The following CDH4 variants were observed in gnomAD, a reference collection of about 807,000 sequenced individuals.
CDH4 encodes cadherin 4.
A neutral mutation model predicts 86.0 loss-of-function variants in CDH4; 33 were observed. The observed-to-expected ratio is 0.38, with a 90% CI of 0.29 to 0.51. The LOEUF (loss-of-function observed/expected upper bound fraction) is 0.51, where lower values mean the gene tolerates loss of function less well. CDH4 is among the 20% of genes least tolerant of loss of function. The probability of loss-of-function intolerance (pLI) is 0.86; values close to 1 mark genes in which losing one functional copy is unlikely to be tolerated. For synonymous variants in CDH4, 555 were observed against 549.4 expected (o/e 1.01, Z -0.14); for missense variants, 1,114 against 1,307.4 (o/e 0.85, Z 2.28).
intron 2 of CDH4, among the ~76,000 whole-genome samples, chr20:61,636,870 A>G (rs1424436003): frequency 6.6e-6 from 1 of 152,178 alleles, no homozygotes; most frequent in African/African-American, 2.4e-5. Flanking sequence ...CATGGAGGGC[A>G]GCTAGCTGGG....
chr20:61,357,349 G>T (rs889366777), intron 2 of CDH4, among the ~76,000 whole-genome samples: 5 of 151,710 alleles, frequency 3.3e-5, no homozygotes, highest in Admixed American at 2.0e-4. Context: ...CACACCCACT[G>T]CTCACCCTGC....
Position 61,255,996 on chromosome 20 carries a change from A to G in CDH4, c.169+1059A>G, listed in dbSNP as rs370069711. On this transcript the variant is annotated intron_variant, in intron 2 of 15. Coordinates refer to ENST00000614565, the MANE Select transcript of CDH4 (RefSeq NM_001794.5). ...GATACTACTGACTCATTAATCATCA[A>G]AAAAATAAAAAATCTCTAGGCAGTC... is the stretch of plus-strand genomic sequence containing the variant. Among the ~76,000 whole-genome samples the G allele has an allele frequency of 3.9e-5, 6 of 152,320 alleles. No homozygotes were observed. The East Asian group carries it at 1.2e-3, about 29-fold the overall frequency.
intron 2 of CDH4, among the ~76,000 whole-genome samples, chr20:61,547,374 G>A (rs1214006095): frequency 3.3e-5 from 5 of 151,584 alleles, no homozygotes; most frequent in Non-Finnish European, 7.4e-5. Flanking sequence ...CACTGCGCCC[G>A]GCTAATTTTT....
chr20:61,260,864 T>C (rs1464894742), intron 2 of CDH4, among the ~76,000 whole-genome samples: 1 of 152,294 alleles, frequency 6.6e-6, no homozygotes, highest in East Asian at 1.9e-4. Context: ...GAAGTATATA[T>C]CCTGTCTTTA....
At chr20:61,339,666 T>C (rs1378355397) in intron 2 of CDH4, among the ~76,000 whole-genome samples, 1 of 152,094 alleles carries the variant, frequency 6.6e-6, no homozygotes, top group Non-Finnish European at 1.5e-5. Context: ...AGGGACTTTG[T>C]GGTAGGTTAT....
chr20:61,690,969 C>G (rs1335669340), intron 2 of CDH4, among the ~76,000 whole-genome samples: 1 of 152,212 alleles, frequency 6.6e-6, no homozygotes, highest in Non-Finnish European at 1.5e-5. Flanking sequence ...GCTGAGCCCT[C>G]TAGACTTTCC....
At chr20:61,426,343 T>C (rs2085215203) in intron 2 of CDH4, among the ~76,000 whole-genome samples, 1 of 152,180 alleles carries the variant, frequency 6.6e-6, no homozygotes, top group Non-Finnish European at 1.5e-5. Flanking sequence ...TAATGAATAA[T>C]GCTCACACCT....
chr20:61,730,562 G>A (rs1217907355), intron 2 of CDH4, among the ~76,000 whole-genome samples: 1 of 152,194 alleles, frequency 6.6e-6, no homozygotes, highest in Non-Finnish European at 1.5e-5. Flanking sequence ...AGCACTTCCT[G>A]GGTGCCAAAG....
chr20:61,514,341 T>C, intron 2 of CDH4, among the ~76,000 whole-genome samples: 1 of 97,704 alleles, frequency 1.0e-5, no homozygotes, highest in South Asian at 3.6e-4. Flanking sequence ...ACCCCCGATG[T>C]CTATGTGACA....
chr20:61,926,328 C>T (rs1266787541), intron 11 of CDH4, among the ~76,000 whole-genome samples: 3 of 152,302 alleles, frequency 2.0e-5, no homozygotes, highest in South Asian at 2.1e-4. Context: ...AACGGCTGTG[C>T]GTGAAGCCTC....
At position 61,254,818 on chromosome 20, in the gene CDH4, G is replaced by C. The variant is rs775351233; in HGVS notation, c.58-8G>C. The C allele has an allele frequency of 1.3e-6, 2 of 1,527,368 alleles. No homozygotes were observed. Among genetic ancestry groups the C allele is most frequent in the Non-Finnish European group, 9.1e-7 (1 of 1,101,142 alleles). 94.6% of individuals were successfully genotyped at this position (1,527,368 alleles called of 1,614,324 possible). On this transcript the variant is annotated splice_polypyrimidine_tract_variant and splice_region_variant and intron_variant, in intron 1 of 15. Coordinates refer to ENST00000614565, the MANE Select transcript of CDH4 (RefSeq NM_001794.5). The stretch of plus-strand genomic sequence containing the variant: ...TATTGTTTTACACTCTCCCCTTTGT[G>C]TTCTCAGGCCCATAATGAGGATCTT...
intron 2 of CDH4, among the ~76,000 whole-genome samples, chr20:61,383,449 TC>T (rs1477706077): frequency 1.0e-4 from 1 of 9,760 alleles, no homozygotes; most frequent in Non-Finnish European, 2.3e-4. Flanking sequence ...GAATATATAT[TC>T]ATATATATGA....
At chr20:61,685,923 G>A (rs533269290) in intron 2 of CDH4, among the ~76,000 whole-genome samples, 231 of 152,334 alleles carry the variant, frequency 1.5e-3, no homozygotes, top group African/African-American at 5.2e-3. Context: ...TCCAGATGGC[G>A]GAGTTCTGGA....
At chr20:61,254,779 A>C (rs1457437208) in intron 1 of CDH4, 47 bp from the exon 2 acceptor site, 11 of 1,224,158 alleles carry the variant, frequency 9.0e-6, no homozygotes, top group South Asian at 7.2e-5. Flanking sequence ...GGTTGGATTA[A>C]ATTTCTGTGA....
At chr20:61,532,014 G>A (rs6061272) in intron 2 of CDH4, among the ~76,000 whole-genome samples, 4,409 of 152,300 alleles carry the variant, frequency 0.029, 186 homozygotes, top group African/African-American at 0.092. Context: ...GGAAAGCGTC[G>A]GCCAGTCTCA....
intron 2 of CDH4, among the ~76,000 whole-genome samples, chr20:61,317,336 G>A (rs369196742): frequency 4.6e-5 from 7 of 152,116 alleles, no homozygotes; most frequent in South Asian, 2.1e-4. Context: ...TCAGCCTCCC[G>A]AATAACCTGC....
chr20:61,879,026 T>C lies in CDH4; in HGVS notation c.1050+5126T>C, dbSNP rs1233080006. ...CTTCTGCAGCAGAGGATGCACGTTGTCGGATTTTCAGCAGCAAACAATAAA... is the reference window on the plus strand; with the variant it reads ...CTTCTGCAGCAGAGGATGCACGTTGCCGGATTTTCAGCAGCAAACAATAAA... On this transcript the variant is annotated intron_variant, in intron 7 of 15. Transcript: ENST00000614565. This position sits in a 1 kb window ranked among gnomAD's most constrained non-coding sequence, Gnocchi z 4.1. 6.6e-6 allele frequency among the ~76,000 whole-genome samples: 1 copy of C among 152,250 alleles called. No individual in the cohort carries two copies. Among genetic ancestry groups the C allele is most frequent in the Non-Finnish European group, 1.5e-5 (1 of 68,050 alleles).
rs531234247 is a variant in CDH4 at position 61,375,341 on chromosome 20, G to T, written c.169+120404G>T. ...TGATGGTGGTGACAGTGGGGAGGTG[G>T]TGATGAATGTGGTGGCCATGCTGAT... is the stretch of plus-strand genomic sequence containing the variant. On this transcript the variant is annotated intron_variant, in intron 2 of 15. Transcript: ENST00000614565. Among the ~76,000 whole-genome samples, 4 of 152,198 alleles carry T rather than the reference G, an allele frequency of 2.6e-5. No individual in the cohort carries two copies. The South Asian group carries it at 8.3e-4, about 32-fold the overall frequency.
chr20:61,608,305 T>C (rs1245054898), intron 2 of CDH4, among the ~76,000 whole-genome samples: 1 of 152,146 alleles, frequency 6.6e-6, no homozygotes, highest in African/African-American at 2.4e-5. Context: ...CTAGAAAGTG[T>C]TAATAAATTT....
Sources: allele counts gnomAD v4.1 joint callset (sites outside exome capture counted in the v4.1 genomes callset), GRCh38; gene constraint gnomAD v4.1.1; non-coding constraint Gnocchi (gnomAD v3.1); transcripts MANE v1.5; gene names NCBI Gene and HGNC (gene_info 2026-07-23, HGNC 2026-07-21).